ZDHHC15: variants seen among roughly 807,000 people sequenced by gnomAD.
ZDHHC15 encodes palmitoyltransferase ZDHHC15.
In ZDHHC15, 19 loss-of-function variants were observed where a neutral mutation model predicts 31.7. The ratio of observed to expected loss-of-function variants is 0.60; its 90% CI spans 0.42 to 0.88. The LOEUF (loss-of-function observed/expected upper bound fraction) is 0.88. Among genes scored for constraint, ZDHHC15 ranks in the 40% least tolerant of loss-of-function variants. The probability of loss-of-function intolerance (pLI) is 0.00; values close to 1 mark genes in which losing one functional copy is unlikely to be tolerated. For synonymous variants in ZDHHC15, 103 were observed against 90.0 expected (o/e 1.14, Z -0.82); for missense variants, 209 against 251.2 (o/e 0.83, Z 1.14).
At chrX:75,409,439 G>C (rs1395564699) in intron 10 of ZDHHC15, among the ~76,000 whole-genome samples, 1 of 90,533 alleles carries the variant, frequency 1.1e-5, no homozygotes, top group Non-Finnish European at 2.1e-5. Context: ...AGTGAGCTGA[G>C]ATTGTGCCAC....
At position 75,424,775 on chromosome X, in the gene ZDHHC15, G is replaced by T; in HGVS notation, c.613C>A (p.Pro205Thr). Residue 205 changes from proline (P) to threonine (T), a missense_variant, in exon 8 of 12, where the codon CCC becomes ACC. Physicochemically the swap from Pro to Thr is conservative, Grantham distance 38 (BLOSUM62 -1). Transcript: ENST00000373367. ...ACATGGAACTTAGAGCGAACACTGGGTAATTCCCCCTAGAAAAGAAATAAT... is the reference window on the plus strand; with the variant it reads ...ACATGGAACTTAGAGCGAACACTGGTTAATTCCCCCTAGAAAAGAAATAAT... ...YFIKYWRGEL[P>T]SVRSKFHVLF... 1 of 1,186,989 alleles carries T rather than the reference G, an allele frequency of 8.4e-7. No homozygotes were observed. Among genetic ancestry groups the T allele is most frequent in the Non-Finnish European group, 1.1e-6 (1 of 886,160 alleles).
At chrX:75,449,629 C>T (rs2084087328) in intron 4 of ZDHHC15, among the ~76,000 whole-genome samples, 1 of 112,062 alleles carries the variant, frequency 8.9e-6, no homozygotes, top group Admixed American at 9.5e-5. Flanking sequence ...AACAGCAAGT[C>T]CTTAATATCA....
At chrX:75,467,939 T>C (rs1478508494) in intron 3 of ZDHHC15, among the ~76,000 whole-genome samples, 1 of 111,846 alleles carries the variant, frequency 8.9e-6, no homozygotes, top group African/African-American at 3.3e-5. Flanking sequence ...TGGGAACTAT[T>C]AATTTGAATT....
chrX:75,387,500 T>C (rs1254238801), intron 10 of ZDHHC15, among the ~76,000 whole-genome samples: 1 of 111,307 alleles, frequency 9.0e-6, no homozygotes, highest in African/African-American at 3.3e-5. Flanking sequence ...ACAGAAATCA[T>C]GAAACTTAGA....
At chrX:75,419,820 A>G (rs1220053906) in intron 9 of ZDHHC15, among the ~76,000 whole-genome samples, 1 of 107,666 alleles carries the variant, frequency 9.3e-6, no homozygotes, top group African/African-American at 3.4e-5. Flanking sequence ...GAAGCTGGAA[A>G]CCATCATTCT....
At chrX:75,492,881 C>T (rs1164380449) in intron 2 of ZDHHC15, among the ~76,000 whole-genome samples, 1 of 111,202 alleles carries the variant, frequency 9.0e-6, no homozygotes, top group Non-Finnish European at 1.9e-5. Context: ...ACTAGAGAAG[C>T]AAGAGCAAAC....
At chrX:75,412,951 A>G (rs1317234298) in intron 10 of ZDHHC15, among the ~76,000 whole-genome samples, 2 of 111,739 alleles carry the variant, frequency 1.8e-5, no homozygotes, top group Non-Finnish European at 1.9e-5. Flanking sequence ...CAAAGTAAGT[A>G]GTTATTTAGG....
chrX:75,519,042 TG>T (rs1277326337), intron 1 of ZDHHC15, among the ~76,000 whole-genome samples: 1 of 108,271 alleles, frequency 9.2e-6, no homozygotes, highest in Non-Finnish European at 1.9e-5. Context: ...GGCTAGGACT[TG>T]GGGGAAGAGG....
chrX:75,420,967 TACA>T (rs1467320973), intron 9 of ZDHHC15, among the ~76,000 whole-genome samples: 1 of 110,616 alleles, frequency 9.0e-6, no homozygotes. Flanking sequence ...AAGAATTACC[TACA>T]ACCTCAAATT....
intron 11 of ZDHHC15, among the ~76,000 whole-genome samples, chrX:75,373,926 G>GTTTTTTTTTTTTTTTTTCTTTTTTTTT (rs2083028402): frequency 2.0e-5 from 1 of 50,454 alleles, no homozygotes. Flanking sequence ...CATTCTTTCT[G>GTTTTTTTTTTTTTTTTTCTTTTTTTTT]TTTTTTTTTT....
At position 75,445,275 on chromosome X, in the gene ZDHHC15, C is replaced by G. The variant is rs145978860; in HGVS notation, c.379+5527G>C. On this transcript the variant is annotated intron_variant, in intron 4 of 11. Transcript: ENST00000373367. ...AAGTTTCTGGAATTGGCTCTTCAAT[C>G]TTAGTAGTTTTGATGATGCTAATGA... 4.8e-3 allele frequency among the ~76,000 whole-genome samples: 535 copies of G among 111,323 alleles called. 4 individuals carry two copies. Among genetic ancestry groups the G allele is most frequent in the Middle Eastern group, 9.3e-3 (2 of 216 alleles).
chrX:75,488,681 C>T (rs73625849), intron 2 of ZDHHC15, among the ~76,000 whole-genome samples: 1,297 of 112,157 alleles, frequency 0.012, 21 homozygotes, highest in African/African-American at 0.039. Flanking sequence ...GACACAGAGA[C>T]GGGTGATTGC....
At chrX:75,517,679 T>C (rs1214889485) in intron 1 of ZDHHC15, among the ~76,000 whole-genome samples, 1 of 108,554 alleles carries the variant, frequency 9.2e-6, no homozygotes, top group African/African-American at 3.4e-5. Flanking sequence ...ATGGCACATG[T>C]ATACATATGT....
intron 2 of ZDHHC15, among the ~76,000 whole-genome samples, chrX:75,485,124 T>C (rs1233768887): frequency 9.0e-6 from 1 of 111,524 alleles, no homozygotes; most frequent in Non-Finnish European, 1.9e-5. Context: ...TCTGTAACTG[T>C]ATAGTGGTGG....
chrX:75,414,240 C>A (rs1465892480), intron 10 of ZDHHC15, among the ~76,000 whole-genome samples: 3 of 110,283 alleles, frequency 2.7e-5, no homozygotes, highest in African/African-American at 9.9e-5. Flanking sequence ...TTAATTAAAC[C>A]TTTTATTTTC....
intron 2 of ZDHHC15, among the ~76,000 whole-genome samples, chrX:75,496,966 A>C (rs2085009951): frequency 9.0e-6 from 1 of 111,452 alleles, no homozygotes; most frequent in South Asian, 3.7e-4. Context: ...AAACCAAAGC[A>C]AGTGGAAAAA....
At chrX:75,402,458 G>T (rs1004124694) in intron 10 of ZDHHC15, among the ~76,000 whole-genome samples, 3 of 110,648 alleles carry the variant, frequency 2.7e-5, no homozygotes, top group South Asian at 3.8e-4. Context: ...CCAGGAACTG[G>T]TTTTTTTGAA....
chrX:75,483,316 G>A (rs1321450765), intron 2 of ZDHHC15, among the ~76,000 whole-genome samples: 2 of 110,288 alleles, frequency 1.8e-5, no homozygotes, highest in Non-Finnish European at 3.8e-5. Context: ...GAAAAAATGG[G>A]CCAGGCGTGG....
intron 7 of ZDHHC15, among the ~76,000 whole-genome samples, chrX:75,428,720 G>A (rs2083742798): frequency 8.9e-6 from 1 of 111,773 alleles, no homozygotes; most frequent in African/African-American, 3.2e-5. Flanking sequence ...TAGGAAACTA[G>A]GGATTTAAAA....
Sources: allele counts gnomAD v4.1 joint callset (sites outside exome capture counted in the v4.1 genomes callset), GRCh38; gene constraint gnomAD v4.1.1; transcripts MANE v1.5; gene names NCBI Gene and HGNC (gene_info 2026-07-23, HGNC 2026-07-21).